The following MYO16 variants were observed in gnomAD, a reference collection of about 807,000 sequenced individuals.
The protein encoded by MYO16 is unconventional myosin-XVI.
Under a neutral mutation model 205.3 loss-of-function variants are expected in MYO16, and 94 were observed. The observed-to-expected ratio is 0.46, with a 90% CI of 0.39 to 0.54. The LOEUF is 0.54. MYO16 is among the 20% of genes least tolerant of loss of function. The probability of loss-of-function intolerance (pLI) is 0.00; values close to 1 mark genes in which losing one functional copy is unlikely to be tolerated. For synonymous variants in MYO16, 988 were observed against 954.0 expected, an observed-to-expected ratio of 1.04 and a Z score of -0.66; for missense variants, 2,315 against 2,387.5, an observed-to-expected ratio of 0.97 and a Z score of 0.63.
intron 12 of MYO16, among the ~76,000 whole-genome samples, chr13:108,876,302 G>A (rs1270033212): frequency 1.3e-5 from 2 of 152,014 alleles, no homozygotes; most frequent in East Asian, 3.9e-4. Context: ...AATTAAAAGT[G>A]CTGTATTTTT....
chr13:108,665,794 C>T (rs140520617), intron 1 of MYO16, 92 bp from the exon 2 acceptor site: 2 of 1,330,918 alleles, frequency 1.5e-6, no homozygotes, highest in East Asian at 2.5e-5. Context: ...ATGACCTGTG[C>T]AATGGACAAT....
At chr13:108,884,490 G>A (rs1879765523) in intron 13 of MYO16, among the ~76,000 whole-genome samples, 1 of 152,126 alleles carries the variant, frequency 6.6e-6, no homozygotes, top group Admixed American at 6.6e-5. Context: ...GCTGAGGCAG[G>A]GAATTCCACC....
At chr13:108,894,067 G>A (rs1880297236) in intron 14 of MYO16, among the ~76,000 whole-genome samples, 1 of 152,166 alleles carries the variant, frequency 6.6e-6, no homozygotes, top group Non-Finnish European at 1.5e-5. Context: ...GGCAGGAGGT[G>A]AAGAAGAAAG....
chr13:108,509,265 T>C, the MYO16 span, among the ~76,000 whole-genome samples: 2 of 152,160 alleles, frequency 1.3e-5, no homozygotes, highest in East Asian at 3.8e-4. Context: ...GTATGATACT[T>C]GCACAACCTG....
chr13:108,541,541 A>G, the MYO16 span, among the ~76,000 whole-genome samples: 3 of 152,020 alleles, frequency 2.0e-5, no homozygotes, highest in East Asian at 5.8e-4. Flanking sequence ...TGTGCTTTAA[A>G]GATTATGGGT....
At chr13:108,527,887 T>C in the MYO16 span, among the ~76,000 whole-genome samples, 1 of 152,212 alleles carries the variant, frequency 6.6e-6, no homozygotes, top group Non-Finnish European at 1.5e-5. Context: ...AAGGATTCTT[T>C]GAAAGTGAGG....
chr13:109,130,770 A>T (rs1876495622), intron 31 of MYO16, among the ~76,000 whole-genome samples: 1 of 152,318 alleles, frequency 6.6e-6, no homozygotes, highest in East Asian at 1.9e-4. Flanking sequence ...CATGTTAGAC[A>T]TCTCCCTCAG....
intron 16 of MYO16, among the ~76,000 whole-genome samples, chr13:108,927,492 C>CA (rs1882063513): frequency 6.6e-6 from 1 of 152,162 alleles, no homozygotes; most frequent in African/African-American, 2.4e-5. Context: ...CAATTAGGTG[C>CA]AGTGGGAGCC....
At chr13:108,810,653 G>A (rs1887262066) in intron 7 of MYO16, among the ~76,000 whole-genome samples, 1 of 113,130 alleles carries the variant, frequency 8.8e-6, no homozygotes, top group Non-Finnish European at 2.3e-5. Flanking sequence ...TATATGCATG[G>A]AAGATTTATA....
chr13:109,180,279 G>C (rs1251222714), intron 34 of MYO16, among the ~76,000 whole-genome samples: 1 of 152,138 alleles, frequency 6.6e-6, no homozygotes, highest in Non-Finnish European at 1.5e-5. Context: ...TGTGCTTCTA[G>C]AAAGTGAAAG....
chr13:108,573,021 G>T, the MYO16 span, among the ~76,000 whole-genome samples: 1 of 152,184 alleles, frequency 6.6e-6, no homozygotes, highest in Admixed American at 6.6e-5. Flanking sequence ...ACTCTTCCCA[G>T]GATGAGACAC....
intron 6 of MYO16, among the ~76,000 whole-genome samples, chr13:108,794,401 C>A (rs1008777616): frequency 6.6e-6 from 1 of 152,128 alleles, no homozygotes; most frequent in Non-Finnish European, 1.5e-5. Context: ...TTTCTTCAAG[C>A]CTTCCTCCTA....
At chr13:108,679,260 A>G (rs1249714884) in intron 2 of MYO16, among the ~76,000 whole-genome samples, 1 of 152,270 alleles carries the variant, frequency 6.6e-6, no homozygotes, top group East Asian at 1.9e-4. Context: ...GGCTTGTACT[A>G]CTGACCTACA....
At chr13:108,965,145 T>A (rs921811563) in intron 20 of MYO16, among the ~76,000 whole-genome samples, 1 of 152,220 alleles carries the variant, frequency 6.6e-6, no homozygotes, top group East Asian at 1.9e-4. Context: ...TGCATAGATA[T>A]GCAAATGCAT....
chr13:108,732,807 G>C (rs1377841360), intron 4 of MYO16, among the ~76,000 whole-genome samples: 2 of 152,210 alleles, frequency 1.3e-5, no homozygotes, highest in Non-Finnish European at 2.9e-5. Flanking sequence ...GACTAGAAGT[G>C]GTGGAGGTGG....
At chr13:109,110,917 G>A (rs1214644297) in intron 28 of MYO16, among the ~76,000 whole-genome samples, 1 of 152,126 alleles carries the variant, frequency 6.6e-6, no homozygotes, top group Non-Finnish European at 1.5e-5. Context: ...TGCCCTGCTG[G>A]TATGAAGAAG....
At position 108,820,334 on chromosome 13, in the gene MYO16, C is replaced by T. The variant is rs766309480; in HGVS notation, c.868-3C>T. On this transcript the variant is annotated splice_polypyrimidine_tract_variant and splice_region_variant and intron_variant, in intron 7 of 34. Coordinates refer to ENST00000457511, the MANE Select transcript of MYO16 (RefSeq NM_001198950.3). ...CCCATTTCAATTATCTTTAATATTT[C>T]AGACAAATCTGGTGAAACTTCTCCT... 5.0e-6 allele frequency: 8 copies of T among 1,590,160 alleles called. No homozygotes were observed. In the Admixed American group the frequency reaches 1.4e-4, roughly 27 times the overall value.
At chr13:109,110,308 C>A (rs1163786533) in intron 28 of MYO16, among the ~76,000 whole-genome samples, 1 of 152,182 alleles carries the variant, frequency 6.6e-6, no homozygotes, top group African/African-American at 2.4e-5. Context: ...GCACTCTTGA[C>A]CATATCAATA....
chr13:108,924,341 G>C (rs1881883701), intron 16 of MYO16, among the ~76,000 whole-genome samples: 1 of 152,182 alleles, frequency 6.6e-6, no homozygotes, highest in Non-Finnish European at 1.5e-5. Context: ...GCTTTTCTGA[G>C]TCACGGGAAA....
Sources: gnomAD v4.1 joint callset for allele counts (sites outside exome capture counted in the v4.1 genomes callset) on GRCh38, gnomAD v4.1.1 for gene constraint, MANE v1.5 for transcripts, NCBI Gene and HGNC (gene_info 2026-07-23, HGNC 2026-07-21) for gene names.